UBR3: variants seen among roughly 807,000 people sequenced by gnomAD.
UBR3 encodes ubiquitin protein ligase E3 component n-recognin 3, also known as E3 ubiquitin-protein ligase UBR3.
Under a neutral mutation model 243.2 loss-of-function variants are expected in UBR3, and 85 were observed. The observed-to-expected ratio is 0.35, with a 90% confidence interval of 0.29 to 0.42. The LOEUF (loss-of-function observed/expected upper bound fraction) is 0.42, where lower values mean the gene tolerates loss of function less well. UBR3 is among the 10% of genes least tolerant of loss of function. The pLI is 1.00. For missense variants in UBR3, 1,686 were observed against 2,300.8 expected (o/e 0.73, Z 5.47); for synonymous variants, 748 against 799.8 (o/e 0.94, Z 1.09).
At chr2:169,856,518 G>T (rs1353307587) in intron 1 of UBR3, among the ~76,000 whole-genome samples, 1 of 152,096 alleles carries the variant, frequency 6.6e-6, no homozygotes, top group Non-Finnish European at 1.5e-5. Context: ...CCGAGATCAC[G>T]CCACTGCACT....
At chr2:170,050,912 C>T (rs985668400) in intron 32 of UBR3, among the ~76,000 whole-genome samples, 3 of 152,166 alleles carry the variant, frequency 2.0e-5, no homozygotes, top group African/African-American at 7.2e-5. Context: ...ATTGGTTCCA[C>T]GACCCCCTGC....
chr2:169,853,423 CTCTTCTTCCTCTTCCTCTTTT>C (rs2082731536), intron 1 of UBR3, among the ~76,000 whole-genome samples: 1 of 149,978 alleles, frequency 6.7e-6, no homozygotes, highest in Admixed American at 6.7e-5. Context: ...CTTCTTTTTT[CTCTTCTTCCTCTTCCTCTTTT>C]TCTTCTTCCT....
chr2:169,966,742 A>G (rs1241918739), intron 24 of UBR3, among the ~76,000 whole-genome samples: 1 of 152,120 alleles, frequency 6.6e-6, no homozygotes, highest in Non-Finnish European at 1.5e-5. Context: ...TAGGGTTGAG[A>G]GGGTCAAATG....
intron 30 of UBR3, among the ~76,000 whole-genome samples, chr2:170,027,844 T>G (rs1026076361): frequency 6.6e-6 from 1 of 151,920 alleles, no homozygotes; most frequent in Non-Finnish European, 1.5e-5. Flanking sequence ...TTTCCTCTGC[T>G]AAAACTTCCC....
At chr2:170,026,421 C>T (rs529818644) in intron 30 of UBR3, among the ~76,000 whole-genome samples, 1 of 151,988 alleles carries the variant, frequency 6.6e-6, no homozygotes, top group Non-Finnish European at 1.5e-5. Context: ...TACAAACATA[C>T]TATAGATTTA....
At chr2:169,837,620 G>C (rs73022454) in intron 1 of UBR3, among the ~76,000 whole-genome samples, 3 of 152,208 alleles carry the variant, frequency 2.0e-5, no homozygotes, top group African/African-American at 7.2e-5. Flanking sequence ...AGCAGCAGGG[G>C]GGGAGAAGCG....
chr2:170,006,473 G>C (rs2089914782), intron 27 of UBR3, among the ~76,000 whole-genome samples: 2 of 152,176 alleles, frequency 1.3e-5, no homozygotes, highest in South Asian at 4.1e-4. Context: ...AATGAAATGA[G>C]CACTAACTCA....
chr2:169,928,276 T>C (rs2085983540), intron 17 of UBR3, among the ~76,000 whole-genome samples: 1 of 152,202 alleles, frequency 6.6e-6, no homozygotes, highest in Non-Finnish European at 1.5e-5. Context: ...TCTTTGCTTA[T>C]ATTTGCTTAG....
In UBR3 at chr2:169,877,588, A is replaced by G. The variant is rs777882297; in HGVS notation, c.939A>G (p.Val313=). 1.6e-5 allele frequency: 25 copies of G among 1,549,804 alleles called. No homozygotes were observed. Among genetic ancestry groups the G allele is most frequent in the Non-Finnish European group, 2.1e-5 (24 of 1,146,656 alleles). ...TTACATATCCTGAGGATAAGCTTGTATATGGTGTGCAGGAGCCATCTGCTG... is the reference window on the plus strand; with the variant it reads ...TTACATATCCTGAGGATAAGCTTGTGTATGGTGTGCAGGAGCCATCTGCTG... ...SGLTYPEDKL[V]YGVQEPSAGT... Residue 313 remains valine, a synonymous_variant, in exon 4 of 39, where the codon GTA becomes GTG. Transcript: ENST00000272793.
chr2:170,014,266 A>C (rs1334529331), intron 29 of UBR3: 1 of 154,252 alleles, frequency 6.5e-6, no homozygotes, highest in East Asian at 1.9e-4. Flanking sequence ...CAGCCAAATC[A>C]GTGCAAAATG....
At chr2:169,969,957 T>C (rs63297861) in intron 24 of UBR3, among the ~76,000 whole-genome samples, 1 of 92,460 alleles carries the variant, frequency 1.1e-5, no homozygotes, top group African/African-American at 4.1e-5. Flanking sequence ...TTTTTTTTTT[T>C]GGCTCAGGAT....
chr2:170,001,939 A>AAAAAAAAAAAAAG (rs1553531165), intron 27 of UBR3, among the ~76,000 whole-genome samples: 29 of 116,194 alleles, frequency 2.5e-4, no homozygotes, highest in African/African-American at 9.9e-4. Context: ...AAAAAAAAAA[A>AAAAAAAAAAAAAG]AAAGAAAGAA....
intron 36 of UBR3, among the ~76,000 whole-genome samples, chr2:170,077,065 A>G (rs939146443): frequency 6.6e-6 from 1 of 152,234 alleles, no homozygotes; most frequent in Non-Finnish European, 1.5e-5. Context: ...TGAAGCAGAA[A>G]TTTAAGACCG....
intron 31 of UBR3, among the ~76,000 whole-genome samples, chr2:170,032,785 A>G (rs1165163948): frequency 6.6e-6 from 1 of 151,944 alleles, no homozygotes; most frequent in African/African-American, 2.4e-5. Context: ...ACTGATGATC[A>G]TAACTCTGAT....
At chr2:170,009,150 T>G (rs529865948) in intron 29 of UBR3, among the ~76,000 whole-genome samples, 9 of 152,232 alleles carry the variant, frequency 5.9e-5, no homozygotes, top group Admixed American at 2.6e-4. Context: ...TGCATAAATG[T>G]TACTAAACAT....
intron 32 of UBR3, among the ~76,000 whole-genome samples, chr2:170,050,227 A>G (rs751570488): frequency 6.6e-6 from 1 of 152,324 alleles, no homozygotes; most frequent in South Asian, 2.1e-4. Context: ...AACATCACAA[A>G]TTGATTTTTC....
intron 18 of UBR3, among the ~76,000 whole-genome samples, chr2:169,930,872 T>C (rs1273134382): frequency 1.3e-5 from 2 of 152,190 alleles, no homozygotes; most frequent in Non-Finnish European, 2.9e-5. Flanking sequence ...GCTTCTTCTC[T>C]GTCCTGCTAT....
chr2:169,957,847 T>C (rs2087379750), intron 23 of UBR3, among the ~76,000 whole-genome samples: 2 of 152,328 alleles, frequency 1.3e-5, no homozygotes, highest in South Asian at 2.1e-4. Context: ...TTTATTCTTA[T>C]GTTGTGTTTG....
chr2:169,997,082 G>A (rs2089513401), intron 26 of UBR3, among the ~76,000 whole-genome samples: 1 of 151,232 alleles, frequency 6.6e-6, no homozygotes, highest in African/African-American at 2.4e-5. Flanking sequence ...AAGGAAAATT[G>A]GGAAACAATG....
Sources: gnomAD v4.1 joint callset for allele counts (sites outside exome capture counted in the v4.1 genomes callset) on GRCh38, gnomAD v4.1.1 for gene constraint, MANE v1.5 for transcripts, NCBI Gene and HGNC (gene_info 2026-07-23, HGNC 2026-07-21) for gene names.